Variants in RAPGEF6 observed in about 807,000 individuals in gnomAD.
RAPGEF6 encodes the protein Rap guanine nucleotide exchange factor 6.
RAPGEF6 carries 56 observed loss-of-function variants against 171.4 expected under a neutral mutation model. The observed-to-expected ratio is 0.33, with a 90% confidence interval of 0.26 to 0.41. The LOEUF (loss-of-function observed/expected upper bound fraction) is 0.41, where lower values mean the gene tolerates loss of function less well. Among genes scored for constraint, RAPGEF6 ranks in the 10% least tolerant of loss-of-function variants. The pLI is 1.00. For synonymous variants in RAPGEF6, 692 were observed against 650.1 expected, an observed-to-expected ratio of 1.06 and a Z score of -0.98; for missense variants, 1,674 against 1,921.4, an observed-to-expected ratio of 0.87 and a Z score of 2.41.
intron 3 of RAPGEF6, 138 bp downstream of exon 3, chr5:131,603,133 T>C (rs1764352067): frequency 3.1e-6 from 2 of 649,142 alleles, no homozygotes; most frequent in Non-Finnish European, 2.7e-6. Flanking sequence ...ATTCTATGTA[T>C]GTTATATACT....
intron 7 of RAPGEF6, among the ~76,000 whole-genome samples, chr5:131,513,642 G>T (rs1405772806): frequency 6.6e-6 from 1 of 152,140 alleles, no homozygotes; most frequent in East Asian, 1.9e-4. Flanking sequence ...CTGAGAGAAG[G>T]CTACTAAAAG....
chr5:131,589,938 G>C (rs1763492170), intron 4 of RAPGEF6, among the ~76,000 whole-genome samples: 1 of 152,094 alleles, frequency 6.6e-6, no homozygotes, highest in Non-Finnish European at 1.5e-5. Context: ...CTATTTATTG[G>C]GCTGCAACTA....
intron 1 of RAPGEF6, among the ~76,000 whole-genome samples, chr5:131,623,477 CTTTTTTTTTT>C (rs763921579): frequency 2.6e-5 from 3 of 114,184 alleles, no homozygotes; most frequent in African/African-American, 1.0e-4. Context: ...TTTCACATTG[CTTTTTTTTTT>C]TTTTTTTTTT....
At chr5:131,601,755 C>T (rs1282916560) in intron 3 of RAPGEF6, among the ~76,000 whole-genome samples, 1 of 151,954 alleles carries the variant, frequency 6.6e-6, no homozygotes, top group Admixed American at 6.5e-5. Flanking sequence ...CACAATTGGC[C>T]GGGCGCAGTG....
chr5:131,531,480 T>C (rs974341004), intron 6 of RAPGEF6, among the ~76,000 whole-genome samples: 1 of 152,196 alleles, frequency 6.6e-6, no homozygotes, highest in African/African-American at 2.4e-5. Flanking sequence ...TTGTGAGTTA[T>C]TATGTTTATT....
chr5:131,435,476 G>C (rs1751956057), intron 24 of RAPGEF6, among the ~76,000 whole-genome samples: 1 of 152,130 alleles, frequency 6.6e-6, no homozygotes, highest in African/African-American at 2.4e-5. Context: ...ATGTCTATTT[G>C]ATCAGTATTT....
At chr5:131,597,234 T>G (rs934566303) in intron 3 of RAPGEF6, among the ~76,000 whole-genome samples, 1 of 152,038 alleles carries the variant, frequency 6.6e-6, no homozygotes, top group Non-Finnish European at 1.5e-5. Context: ...TGGCGAGGAT[T>G]TCAGGAGAAG....
chr5:131,470,356 T>C (rs539826317), intron 17 of RAPGEF6, among the ~76,000 whole-genome samples: 1 of 152,332 alleles, frequency 6.6e-6, no homozygotes, highest in East Asian at 1.9e-4. Flanking sequence ...ACCTTTTCTT[T>C]ATAGGTCTGA....
At position 131,572,948 on chromosome 5, in the gene RAPGEF6, C is replaced by T. The variant is rs117283129; in HGVS notation, c.282-10901G>A. ...TAGATAATTTTTGTCAAAAATTGCG[C>T]AAATGGTCTGAGGTGCCTTACATCC... On this transcript the variant is annotated intron_variant, in intron 4 of 27. Coordinates refer to ENST00000509018, the MANE Select transcript of RAPGEF6 (RefSeq NM_016340.6). Among the ~76,000 whole-genome samples the T allele has an allele frequency of 1.7e-3, 260 of 152,222 alleles. No homozygotes were observed. The East Asian group carries it at 0.017, about 10-fold the overall frequency.
In RAPGEF6 at chr5:131,446,610, G is replaced by A. The variant is rs945685395; in HGVS notation, c.3294C>T (p.Ala1098=). ...KRARRSSLLN[A]KKLYEDAQMA... ...TTTGGGCATCCTCATATAGCTTCTT[G>A]GCATTAAGCAGAGAGCTGCGGCGTG... Residue 1098 remains alanine, a synonymous_variant, in exon 22 of 28, where the codon GCC becomes GCT. Transcript: ENST00000509018. 88 of 1,614,078 alleles carry A rather than the reference G, an allele frequency of 5.5e-5. No homozygotes were observed. Among genetic ancestry groups the A allele is most frequent in the Middle Eastern group, 1.6e-4 (1 of 6,084 alleles).
At chr5:131,613,444 C>CATATAT (rs36091475) in intron 1 of RAPGEF6, among the ~76,000 whole-genome samples, 10,056 of 149,236 alleles carry the variant, frequency 0.067, 649 homozygotes, top group African/African-American at 0.17. Flanking sequence ...TCTCTCTCTT[C>CATATAT]ATATATATAT....
At chr5:131,490,725 T>C (rs1167371761) in intron 14 of RAPGEF6, among the ~76,000 whole-genome samples, 3 of 152,168 alleles carry the variant, frequency 2.0e-5, no homozygotes, top group Non-Finnish European at 2.9e-5. Context: ...CAAGAACATA[T>C]AATACTGTAT....
At chr5:131,546,560 T>C (rs1427474441) in intron 6 of RAPGEF6, among the ~76,000 whole-genome samples, 1 of 151,204 alleles carries the variant, frequency 6.6e-6, no homozygotes, top group East Asian at 1.9e-4. Flanking sequence ...GCTGAGATCG[T>C]GCCACTGCAC....
chr5:131,619,148 G>A (rs889792358), intron 1 of RAPGEF6, among the ~76,000 whole-genome samples: 2 of 151,904 alleles, frequency 1.3e-5, no homozygotes, highest in Admixed American at 6.6e-5. Flanking sequence ...ATGAAACAGA[G>A]GTGTGAGATG....
chr5:131,612,836 T>C (rs1765015598), intron 1 of RAPGEF6, among the ~76,000 whole-genome samples: 1 of 152,202 alleles, frequency 6.6e-6, no homozygotes, highest in Admixed American at 6.5e-5. Context: ...CGGCACATCA[T>C]TAACAATGCC....
intron 20 of RAPGEF6, among the ~76,000 whole-genome samples, chr5:131,454,135 G>A: frequency 6.6e-6 from 1 of 152,220 alleles, no homozygotes; most frequent in Admixed American, 6.5e-5. Flanking sequence ...AAAAGGAAAA[G>A]CAACTTAAGT....
chr5:131,579,775 A>G (rs1213601418), intron 4 of RAPGEF6, among the ~76,000 whole-genome samples: 3 of 152,216 alleles, frequency 2.0e-5, no homozygotes, highest in Non-Finnish European at 4.4e-5. Flanking sequence ...CAGAGTGCTG[A>G]ATGGTGCATT....
chr5:131,435,435 G>C (rs1241819464), intron 24 of RAPGEF6, among the ~76,000 whole-genome samples: 1 of 152,128 alleles, frequency 6.6e-6, no homozygotes, highest in South Asian at 2.1e-4. Context: ...CAATAATCTT[G>C]CTTCATTGTT....
intron 16 of RAPGEF6, among the ~76,000 whole-genome samples, chr5:131,476,658 A>G (rs1289507185): frequency 1.3e-5 from 2 of 152,036 alleles, no homozygotes; most frequent in African/African-American, 4.8e-5. Flanking sequence ...CAGCCTCCCA[A>G]GCAGCTGGGA....
Sources: allele counts gnomAD v4.1 joint callset (sites outside exome capture counted in the v4.1 genomes callset), GRCh38; gene constraint gnomAD v4.1.1; transcripts MANE v1.5; gene names NCBI Gene and HGNC (gene_info 2026-07-23, HGNC 2026-07-21).